Variants in C16orf87 observed in about 807,000 individuals in gnomAD.
C16orf87 encodes HDAC and MIER1 interacting protein 1.
A neutral mutation model predicts 21.0 loss-of-function variants in C16orf87; 13 were observed. The observed-to-expected ratio is 0.62, with a 90% CI of 0.40 to 0.98. The LOEUF (loss-of-function observed/expected upper bound fraction) is 0.98. Among genes scored for constraint, C16orf87 ranks in the 50% least tolerant of loss-of-function variants. The pLI, the probability that C16orf87 is intolerant of heterozygous loss-of-function variation, is 0.00. For missense variants in C16orf87, 113 were observed against 180.4 expected (o/e 0.63, Z 2.14); for synonymous variants, 49 against 60.2 (o/e 0.81, Z 0.86).
At position 46,797,564 on chromosome 16, in the gene C16orf87, G is replaced by T. The variant is rs368619288; in HGVS notation, c.*5388C>A. The T allele has an allele frequency of 1.3e-5, 2 of 152,130 alleles. No individual in the cohort carries two copies. Among genetic ancestry groups the T allele is most frequent in the Non-Finnish European group, 2.9e-5 (2 of 68,038 alleles). The allele number at this position is 152,130 out of a possible 1,614,324, so 9.4% of individuals were successfully genotyped here. A position where few individuals can be genotyped will look rare whatever the true frequency, so the allele number is the denominator to read the frequency against. On this transcript the variant is annotated 3_prime_UTR_variant, in exon 4 of 4. Coordinates refer to ENST00000285697, the MANE Select transcript of C16orf87 (RefSeq NM_001001436.4). The stretch of plus-strand genomic sequence containing the variant: ...GGGTTTCACCACATTGTCCAGGCTG[G>T]TCTCGAACTCCTGGACTTAAGCAAT...
chr16:46,813,183 GACA>G (rs1286092499), intron 2 of C16orf87, among the ~76,000 whole-genome samples: 1 of 152,054 alleles, frequency 6.6e-6, no homozygotes, highest in Non-Finnish European at 1.5e-5. Context: ...CTGCCTACCT[GACA>G]ACTTCACTTG....
At chr16:46,810,346 T>C (rs1417922475) in intron 2 of C16orf87, among the ~76,000 whole-genome samples, 2 of 152,178 alleles carry the variant, frequency 1.3e-5, no homozygotes, top group Admixed American at 6.5e-5. Flanking sequence ...TAAGAGCATG[T>C]TGTTCCATAA....
intron 2 of C16orf87, among the ~76,000 whole-genome samples, chr16:46,817,402 T>C (rs1350948105): frequency 6.6e-6 from 1 of 151,140 alleles, no homozygotes; most frequent in Non-Finnish European, 1.5e-5. Flanking sequence ...TAAGAAAGAG[T>C]GGTACCAGGT....
chr16:46,821,459 G>T (rs1959410581), intron 2 of C16orf87, among the ~76,000 whole-genome samples: 3 of 152,074 alleles, frequency 2.0e-5, no homozygotes, highest in Admixed American at 2.0e-4. Context: ...TTTCTGGTTT[G>T]GTTTTGTTGC....
intron 2 of C16orf87, among the ~76,000 whole-genome samples, chr16:46,812,568 T>G (rs1416775196): frequency 2.0e-5 from 3 of 152,166 alleles, no homozygotes; most frequent in Non-Finnish European, 4.4e-5. Context: ...CTTTTGCATA[T>G]GCTTAGAATT....
intron 2 of C16orf87, among the ~76,000 whole-genome samples, chr16:46,823,366 GTA>G (rs2143153472): frequency 6.6e-6 from 1 of 152,274 alleles, no homozygotes; most frequent in Non-Finnish European, 1.5e-5. Flanking sequence ...CAGGTGCTCA[GTA>G]TATATTTGTA....
At chr16:46,823,821 C>T (rs1460002179) in intron 2 of C16orf87, among the ~76,000 whole-genome samples, 3 of 152,108 alleles carry the variant, frequency 2.0e-5, no homozygotes, top group Admixed American at 6.5e-5. Context: ...AATAATTACA[C>T]TCAGTGAAAG....
rs1967651252 is a variant in C16orf87 at position 46,797,631 on chromosome 16, C to T, written c.*5321G>A. On this transcript the variant is annotated 3_prime_UTR_variant, in exon 4 of 4. Transcript: ENST00000285697. Reference sequence around the variant, plus strand: ...CCCAGTCCTGGGATTACAGGTGAGCCACTGTGCCCAGCCAAGTCTTATGAT... The same window carrying T: ...CCCAGTCCTGGGATTACAGGTGAGCTACTGTGCCCAGCCAAGTCTTATGAT... The T allele has an allele frequency of 6.6e-6, 1 of 152,136 alleles. No individual in the cohort carries two copies. The highest frequency in any genetic ancestry group is 1.5e-5 in the Non-Finnish European group (1 of 68,048). The allele number at this position is 152,136 out of a possible 1,614,324, so 9.4% of individuals were successfully genotyped here.
chr16:46,809,497 A>T, intron 3 of C16orf87, 106 bp downstream of exon 3: 1 of 692,758 alleles, frequency 1.4e-6, no homozygotes, highest in Non-Finnish European at 2.4e-6. Flanking sequence ...ATGAGTTGTG[A>T]TTTTTAAGTC....
intron 1 of C16orf87, among the ~76,000 whole-genome samples, chr16:46,830,233 C>CGAGATAGA (rs1292192626): frequency 6.0e-5 from 6 of 100,032 alleles, no homozygotes; most frequent in African/African-American, 1.5e-4. Flanking sequence ...ATTCAAGAAA[C>CGAGATAGA]GAGATAGAGA....
chr16:46,810,875 T>G (rs35866982), intron 2 of C16orf87, among the ~76,000 whole-genome samples: 72,406 of 151,938 alleles, frequency 0.48, 19,550 homozygotes, highest in South Asian at 0.68. Context: ...AATTTGAGCA[T>G]CAATAAAAAT....
At chr16:46,804,035 G>A (rs1967850874) in intron 3 of C16orf87, among the ~76,000 whole-genome samples, 1 of 152,048 alleles carries the variant, frequency 6.6e-6, no homozygotes, top group African/African-American at 2.4e-5. Context: ...TTATGCCTAT[G>A]GTAAGTGATT....
rs546775200 is a variant in C16orf87 at position 46,807,864 on chromosome 16, T to TA, written c.346+1738dup. On this transcript the variant is annotated intron_variant, in intron 3 of 3. Coordinates refer to ENST00000285697, the MANE Select transcript of C16orf87 (RefSeq NM_001001436.4). The stretch of plus-strand genomic sequence containing the variant: ...CTTCTTTTTTCATGTAATCATGAAA[T>TA]AAAAGCTGAAATCCTGCATATATAC... 27 of 190,290 alleles carry TA rather than the reference T, an allele frequency of 1.4e-4. No homozygotes were observed. In the South Asian group the frequency reaches 2.0e-3, roughly 14 times the overall value. 11.8% of individuals were successfully genotyped at this position (190,290 alleles called of 1,614,324 possible).
Position 46,812,690 on chromosome 16 carries a change from C to T in C16orf87, c.164-2905G>A, listed in dbSNP as rs1340614411. ...TGTTCCCCCAGCTACCCAGTCATCT[C>T]TGCAAACTTCTTCACAGCCAAACTT... On this transcript the variant is annotated intron_variant, in intron 2 of 3. Transcript: ENST00000285697. Among the ~76,000 whole-genome samples, 3 of 152,202 alleles carry T rather than the reference C, an allele frequency of 2.0e-5. No individual in the cohort carries two copies. In the East Asian group the frequency reaches 5.8e-4, roughly 29 times the overall value.
intron 1 of C16orf87, among the ~76,000 whole-genome samples, chr16:46,830,308 G>GAGAGAGAC (rs1555479576): frequency 1.3e-4 from 3 of 23,010 alleles, no homozygotes; most frequent in East Asian, 9.5e-4. Flanking sequence ...GAGAGAGAGA[G>GAGAGAGAC]ACACACAGAG....
chr16:46,817,916 C>CAAAAAAAAAAGA (rs1959254177), intron 2 of C16orf87, among the ~76,000 whole-genome samples: 1 of 68,292 alleles, frequency 1.5e-5, no homozygotes, highest in Non-Finnish European at 2.6e-5. Flanking sequence ...CATCAAAAAG[C>CAAAAAAAAAAGA]AAAAAAAAAA....
In C16orf87 at chr16:46,824,363, A is replaced by G. The variant is rs755502732; in HGVS notation, c.163+23T>C. 2.8e-6 allele frequency: 3 copies of G among 1,056,630 alleles called. No homozygotes were observed. In the South Asian group the frequency reaches 4.3e-5, roughly 15 times the overall value. The allele number at this position is 1,056,630 out of a possible 1,614,324, so 65.5% of individuals were successfully genotyped here. A position where few individuals can be genotyped will look rare whatever the true frequency, so the allele number is the denominator to read the frequency against. ...TTACATTTCTACATCAAAAAGCTAAAAATGTATTAAACTCACAGTTACCTG... is the reference window on the plus strand; with the variant it reads ...TTACATTTCTACATCAAAAAGCTAAGAATGTATTAAACTCACAGTTACCTG... On this transcript the variant is annotated intron_variant, in intron 2 of 3. Transcript: ENST00000285697.
In C16orf87 at chr16:46,800,957, C is replaced by G. The variant is rs1596798956; in HGVS notation, c.*1995G>C. ...GCCCAGCCACCAGTACCTCCTTTAC[C>G]ATATCCAATGAATATTTTAACATGA... On this transcript the variant is annotated 3_prime_UTR_variant, in exon 4 of 4. Transcript: ENST00000285697. 1 of 152,144 alleles carries G rather than the reference C, an allele frequency of 6.6e-6. No homozygotes were observed. Among genetic ancestry groups the G allele is most frequent in the African/African-American group, 2.4e-5 (1 of 41,422 alleles). 9.4% of individuals were successfully genotyped at this position (152,144 alleles called of 1,614,324 possible). A position where few individuals can be genotyped will look rare whatever the true frequency, so the allele number is the denominator to read the frequency against.
chr16:46,810,066 C>T (rs1192076475), intron 2 of C16orf87, among the ~76,000 whole-genome samples: 1 of 152,190 alleles, frequency 6.6e-6, no homozygotes, highest in Non-Finnish European at 1.5e-5. Context: ...TACAAGTTCA[C>T]ACAATTCCAT....
Sources: allele counts gnomAD v4.1 joint callset (sites outside exome capture counted in the v4.1 genomes callset), GRCh38; gene constraint gnomAD v4.1.1; transcripts MANE v1.5; gene names NCBI Gene and HGNC (gene_info 2026-07-23, HGNC 2026-07-21).